Variants in PDPK1 observed in about 807,000 individuals in gnomAD.
PDPK1 encodes the protein 3-phosphoinositide dependent protein kinase 1.
PDPK1 carries 7 observed loss-of-function variants against 39.8 expected under a neutral mutation model. The ratio of observed to expected loss-of-function variants is 0.18; its 90% confidence interval spans 0.10 to 0.33. PDPK1 has a LOEUF of 0.33. PDPK1 is among the 10% of genes least tolerant of loss of function. The pLI, the probability that PDPK1 is intolerant of heterozygous loss-of-function variation, is 1.00. For missense variants in PDPK1, 182 were observed against 384.7 expected (o/e 0.47, Z 4.41); for synonymous variants, 118 against 159.1 (o/e 0.74, Z 1.95).
At chr16:2,590,111 T>C (rs1173356171) in intron 11 of PDPK1, among the ~76,000 whole-genome samples, 2 of 152,306 alleles carry the variant, frequency 1.3e-5, no homozygotes, top group East Asian at 3.9e-4. Context: ...CCCTGGCTTC[T>C]CATCACGGAT....
rs1486490268 is a variant in PDPK1 at position 2,599,699 on chromosome 16, T to G, written c.*1932T>G. Reference sequence around the variant, plus strand: ...TCTTAGCCCTTTCAGGAATTTCTGTTCAGGCTTCCTCCTCCTCATCAGCTA... The same window carrying G: ...TCTTAGCCCTTTCAGGAATTTCTGTGCAGGCTTCCTCCTCCTCATCAGCTA... On this transcript the variant is annotated 3_prime_UTR_variant, in exon 14 of 14. Coordinates refer to ENST00000342085, the MANE Select transcript of PDPK1 (RefSeq NM_002613.5). 12 of 233,270 alleles carry G rather than the reference T, an allele frequency of 5.1e-5. 1 individual carries two copies. The highest frequency in any genetic ancestry group is 1.1e-4 in the Admixed American group (2 of 17,788). The allele number at this position is 233,270 out of a possible 1,614,324, so 14.5% of individuals were successfully genotyped here. A position where few individuals can be genotyped will look rare whatever the true frequency, so the allele number is the denominator to read the frequency against.
Position 2,541,954 on chromosome 16 carries a change from T to C in PDPK1, c.24+3818T>C, listed in dbSNP as rs540653664. On this transcript the variant is annotated intron_variant, in intron 1 of 13. Transcript: ENST00000342085. ...CTCTTAGTGAGGAGAAAGGCCTGTT[T>C]GGGTTCATGATGATTGTTGGGGTCT... Among the ~76,000 whole-genome samples, 36 of 152,012 alleles carry C rather than the reference T, an allele frequency of 2.4e-4. 1 individual carries two copies. In the South Asian group the frequency reaches 7.1e-3, roughly 30 times the overall value.
At chr16:2,543,789 T>G (rs1031119061) in intron 1 of PDPK1, among the ~76,000 whole-genome samples, 1 of 152,192 alleles carries the variant, frequency 6.6e-6, no homozygotes, top group Non-Finnish European at 1.5e-5. Context: ...TGGCACGATC[T>G]CGGCTCACCG....
intron 11 of PDPK1, among the ~76,000 whole-genome samples, chr16:2,589,963 A>G (rs1364368152): frequency 3.3e-5 from 5 of 152,234 alleles, no homozygotes; most frequent in Non-Finnish European, 7.3e-5. Context: ...CACAGTCCAC[A>G]ATGCAGTCGA....
chr16:2,590,365 A>C (rs1030033568), intron 11 of PDPK1, among the ~76,000 whole-genome samples: 1 of 152,224 alleles, frequency 6.6e-6, no homozygotes, highest in African/African-American at 2.4e-5. Flanking sequence ...GGCAATAGTC[A>C]TATCTTCACA....
rs1398545884 is a variant in PDPK1, at chr16:2,578,032, C to T, written c.785+532C>T. On this transcript the variant is annotated intron_variant, in intron 7 of 13. Coordinates refer to ENST00000342085, the MANE Select transcript of PDPK1 (RefSeq NM_002613.5). The stretch of plus-strand genomic sequence containing the variant: ...AGTTACAGGCGTGAGCCACCATGCC[C>T]AGCCTGATCGTTTCTTTGGGAAAAA... Among the ~76,000 whole-genome samples the T allele has an allele frequency of 6.0e-5, 9 of 148,960 alleles. No individual in the cohort carries two copies. The East Asian group carries it at 1.8e-3, about 30-fold the overall frequency.
rs1273030878 is a variant in PDPK1 at position 2,598,386 on chromosome 16, G to GC, written c.*623dup. ...GTGGCTCTGGTGGCAGCTTTCTGTG[G>GC]CCCCTGCTGTGTTGGCAGGCAGGTT... is the stretch of plus-strand genomic sequence containing the variant. On this transcript the variant is annotated 3_prime_UTR_variant, in exon 14 of 14. Transcript: ENST00000342085. 2 of 234,166 alleles carry GC rather than the reference G, an allele frequency of 8.5e-6. No homozygotes were observed. The highest frequency in any genetic ancestry group is 4.4e-5 in the African/African-American group (2 of 45,370). 14.5% of individuals were successfully genotyped at this position (234,166 alleles called of 1,614,324 possible). A position where few individuals can be genotyped will look rare whatever the true frequency, so the allele number is the denominator to read the frequency against.
At chr16:2,589,812 G>C (rs1220175193) in intron 11 of PDPK1, among the ~76,000 whole-genome samples, 3 of 151,780 alleles carry the variant, frequency 2.0e-5, no homozygotes, top group Non-Finnish European at 2.9e-5. Context: ...AATGTTGTTT[G>C]TAACAGCTTT....
intron 10 of PDPK1, among the ~76,000 whole-genome samples, chr16:2,585,280 C>T (rs1368999111): frequency 2.6e-5 from 4 of 152,194 alleles, no homozygotes; most frequent in African/African-American, 4.8e-5. Context: ...GTTAGATGGC[C>T]CATCCTTAGC....
chr16:2,547,135 G>A (rs1419459553), intron 1 of PDPK1, among the ~76,000 whole-genome samples: 2 of 149,902 alleles, frequency 1.3e-5, no homozygotes, highest in African/African-American at 2.5e-5. Flanking sequence ...CTGGAGAGCC[G>A]CAGCAGCCAG....
rs1049958289 is a variant in PDPK1 at position 2,598,427 on chromosome 16, G to T, written c.*660G>T. The T allele has an allele frequency of 7.2e-5, 17 of 234,636 alleles. No homozygotes were observed. Among genetic ancestry groups the T allele is most frequent in the African/African-American group, 3.5e-4 (16 of 45,502 alleles). 14.5% of individuals were successfully genotyped at this position (234,636 alleles called of 1,614,324 possible). A position where few individuals can be genotyped will look rare whatever the true frequency, so the allele number is the denominator to read the frequency against. ...CAGGCAGGTTTGCGTGGTGAGGAGC[G>T]GGAGGGGTTGGAGTGGTGCGGGAGC... On this transcript the variant is annotated 3_prime_UTR_variant, in exon 14 of 14. Transcript: ENST00000342085.
chr16:2,538,995 T>G lies in PDPK1; in HGVS notation c.24+859T>G, dbSNP rs192952843. On this transcript the variant is annotated intron_variant, in intron 1 of 13. Transcript: ENST00000342085. Reference sequence around the variant, plus strand: ...GTGATGGAAGAACGTCTACATGGCTTTAACATTTGATTTAAAAGGCAAATA... The same window carrying G: ...GTGATGGAAGAACGTCTACATGGCTGTAACATTTGATTTAAAAGGCAAATA... 921 of 248,316 alleles carry G rather than the reference T, an allele frequency of 3.7e-3. 4 individuals carry two copies. Among genetic ancestry groups the G allele is most frequent in the Non-Finnish European group, 5.5e-3 (679 of 123,908 alleles). 15.4% of individuals were successfully genotyped at this position (248,316 alleles called of 1,614,324 possible).
chr16:2,573,751 AT>A (rs1358313587), intron 6 of PDPK1, among the ~76,000 whole-genome samples: 1 of 139,070 alleles, frequency 7.2e-6, no homozygotes, highest in Non-Finnish European at 1.5e-5. Flanking sequence ...AAAAAAAAAA[AT>A]AGAATTGTGA....
chr16:2,591,320 A>G (rs2066985877), intron 11 of PDPK1, among the ~76,000 whole-genome samples: 1 of 152,206 alleles, frequency 6.6e-6, no homozygotes, highest in Non-Finnish European at 1.5e-5. Flanking sequence ...AACGTTTGGA[A>G]GCTTTACATC....
chr16:2,589,619 G>A (rs1022911062), intron 11 of PDPK1, among the ~76,000 whole-genome samples: 3 of 150,420 alleles, frequency 2.0e-5, no homozygotes, highest in Admixed American at 1.3e-4. Flanking sequence ...AGCCTTGGAA[G>A]TTGAAGCTGC....
intron 1 of PDPK1, among the ~76,000 whole-genome samples, chr16:2,550,283 C>T (rs2066390398): frequency 1.4e-5 from 2 of 146,646 alleles, no homozygotes; most frequent in Non-Finnish European, 3.0e-5. Flanking sequence ...TAAAGTTATA[C>T]CTATAAGGGG....
chr16:2,592,916 G>C (rs1309612493), intron 11 of PDPK1: 2 of 456,418 alleles, frequency 4.4e-6, no homozygotes, highest in African/African-American at 2.0e-5. Flanking sequence ...GCCCTTGCCT[G>C]CCTCCCCGTG....
rs2067128800 is a variant in PDPK1 at position 2,597,553 on chromosome 16, C to G, written c.1555-98C>G. ...AATAACCGTCACACCCACGTGCTTT[C>G]AGGACTCGGAATGGCTGGTCGCAGG... is the stretch of plus-strand genomic sequence containing the variant. On this transcript the variant is annotated intron_variant, in intron 13 of 13. Transcript: ENST00000342085. This position sits in a 1 kb window ranked among gnomAD's most constrained non-coding sequence, Gnocchi z 6.3. 1.1e-6 allele frequency: 1 copy of G among 889,270 alleles called. No homozygotes were observed. The highest frequency in any genetic ancestry group is 1.9e-6 in the Non-Finnish European group (1 of 526,510). The allele number at this position is 889,270 out of a possible 1,614,324, so 55.1% of individuals were successfully genotyped here.
intron 10 of PDPK1, among the ~76,000 whole-genome samples, chr16:2,585,159 C>T (rs1366090641): frequency 2.6e-5 from 4 of 152,220 alleles, no homozygotes; most frequent in Admixed American, 6.5e-5. Context: ...CTTGCACTTG[C>T]CGCATACCTG....
Sources: gnomAD v4.1 joint callset for allele counts (sites outside exome capture counted in the v4.1 genomes callset) on GRCh38, gnomAD v4.1.1 for gene constraint, Gnocchi (gnomAD v3.1) non-coding constraint, MANE v1.5 for transcripts, NCBI Gene and HGNC (gene_info 2026-07-23, HGNC 2026-07-21) for gene names.